Variants in PACS1 observed in about 807,000 individuals in gnomAD.
The protein encoded by PACS1 is PACS-1.
PACS1 carries 24 observed loss-of-function variants against 115.0 expected under a neutral mutation model. The ratio of observed to expected loss-of-function variants is 0.21; its 90% CI spans 0.15 to 0.29. PACS1 has a LOEUF of 0.29. Among genes scored for constraint, PACS1 ranks in the 10% least tolerant of loss-of-function variants. The pLI, the probability that PACS1 is intolerant of heterozygous loss-of-function variation, is 1.00. For synonymous variants in PACS1, 453 were observed against 504.5 expected, an observed-to-expected ratio of 0.90 and a Z score of 1.37; for missense variants, 838 against 1,251.2, an observed-to-expected ratio of 0.67 and a Z score of 4.98.
At chr11:66,174,637 G>T (rs1054078799) in intron 1 of PACS1, among the ~76,000 whole-genome samples, 3 of 152,166 alleles carry the variant, frequency 2.0e-5, no homozygotes, top group Non-Finnish European at 4.4e-5. Context: ...AAAGAAGCCA[G>T]ACATGTTGTA....
At chr11:66,133,326 A>G (rs1374659482) in intron 1 of PACS1, among the ~76,000 whole-genome samples, 1 of 152,230 alleles carries the variant, frequency 6.6e-6, no homozygotes, top group Non-Finnish European at 1.5e-5. Flanking sequence ...AGGTCTGGCT[A>G]GCCATATGCT....
intron 4 of PACS1, among the ~76,000 whole-genome samples, chr11:66,213,025 A>G (rs908056565): frequency 6.6e-6 from 1 of 151,690 alleles, no homozygotes; most frequent in Non-Finnish European, 1.5e-5. Context: ...AATTTTTTTT[A>G]TATTTTTAGT....
At chr11:66,229,950 T>A (rs1590836220) in intron 11 of PACS1, among the ~76,000 whole-genome samples, 2 of 139,218 alleles carry the variant, frequency 1.4e-5, no homozygotes, top group Admixed American at 7.1e-5. Flanking sequence ...AGAGCGAAAG[T>A]CCATCCCAAA....
At chr11:66,079,698 C>T (rs1208522977) in intron 1 of PACS1, among the ~76,000 whole-genome samples, 3 of 152,182 alleles carry the variant, frequency 2.0e-5, no homozygotes, top group African/African-American at 7.2e-5. Context: ...GTGCCGCAAG[C>T]AAAATCCTTG....
At chr11:66,095,873 G>A (rs535178209) in intron 1 of PACS1, among the ~76,000 whole-genome samples, 52 of 152,008 alleles carry the variant, frequency 3.4e-4, no homozygotes, top group African/African-American at 1.1e-3. Context: ...TCCAGCTGTC[G>A]AAAACTGTTT....
intron 1 of PACS1, among the ~76,000 whole-genome samples, chr11:66,106,837 C>G (rs1379508706): frequency 6.6e-6 from 1 of 152,030 alleles, no homozygotes; most frequent in Non-Finnish European, 1.5e-5. Context: ...TATACCTTTC[C>G]GAAGGTTGTG....
At position 66,070,329 on chromosome 11, in the gene PACS1, C is replaced by T; in HGVS notation, c.-158C>T. ...GCGGCGGTCGAGCGCGAGGCCCGCGCGCCCAGAGGCCCCGCGCGTGCGTGC... is the reference window on the plus strand; with the variant it reads ...GCGGCGGTCGAGCGCGAGGCCCGCGTGCCCAGAGGCCCCGCGCGTGCGTGC... On this transcript the variant is annotated 5_prime_UTR_variant, in exon 1 of 24. Transcript: ENST00000320580. This position sits in a 1 kb window ranked among gnomAD's most constrained non-coding sequence, Gnocchi z 5.9. The T allele has an allele frequency of 4.0e-6, 1 of 252,656 alleles. No individual in the cohort carries two copies. The highest frequency in any genetic ancestry group is 6.9e-6 in the Non-Finnish European group (1 of 144,116). The allele number at this position is 252,656 out of a possible 1,614,324, so 15.7% of individuals were successfully genotyped here. A position where few individuals can be genotyped will look rare whatever the true frequency, so the allele number is the denominator to read the frequency against.
chr11:66,082,025 TTTATTTTTCCA>T (rs1857489021), intron 1 of PACS1, among the ~76,000 whole-genome samples: 1 of 152,224 alleles, frequency 6.6e-6, no homozygotes, highest in South Asian at 2.1e-4. Context: ...GCATCAGGAC[TTTATTTTTCCA>T]TTTTGGTTGG....
At chr11:66,206,874 A>G (rs912866929) in intron 2 of PACS1, among the ~76,000 whole-genome samples, 2 of 152,234 alleles carry the variant, frequency 1.3e-5, no homozygotes, top group African/African-American at 4.8e-5. Flanking sequence ...CTGTGAATAT[A>G]TGCTCTGAGC....
intron 1 of PACS1, among the ~76,000 whole-genome samples, chr11:66,103,450 G>A (rs1423743940): frequency 6.6e-6 from 1 of 151,914 alleles, no homozygotes; most frequent in Non-Finnish European, 1.5e-5. Flanking sequence ...GGAGAAAAGG[G>A]CATTAGTCCC....
chr11:66,070,404 GC>G lies in PACS1; in HGVS notation c.-78del. 2 of 841,684 alleles carry G rather than the reference GC, an allele frequency of 2.4e-6. No individual in the cohort carries two copies. Among genetic ancestry groups the G allele is most frequent in the Non-Finnish European group, 3.1e-6 (2 of 645,474 alleles). 52.1% of individuals were successfully genotyped at this position (841,684 alleles called of 1,614,324 possible). On this transcript the variant is annotated 5_prime_UTR_variant, in exon 1 of 24. Transcript: ENST00000320580. The surrounding 1 kb of genome is among the most constrained non-coding windows in gnomAD (Gnocchi z 5.9). ...GCAGGCGGGCTGAGGAGGCTGCCGC[GC>G]CCCCGCCGCCGCCGCCGCGGGGGAA...
At chr11:66,098,756 C>T (rs1237595067) in intron 1 of PACS1, among the ~76,000 whole-genome samples, 5 of 152,194 alleles carry the variant, frequency 3.3e-5, no homozygotes, top group Non-Finnish European at 7.3e-5. Context: ...CCTTTGTCAT[C>T]CCGGTTGTTC....
chr11:66,222,694 A>G (rs551232297), intron 10 of PACS1, among the ~76,000 whole-genome samples: 2 of 152,270 alleles, frequency 1.3e-5, no homozygotes, highest in South Asian at 2.1e-4. Flanking sequence ...GGGAATACCA[A>G]ACTCGCCCTG....
chr11:66,108,379 C>T (rs1858102002), intron 1 of PACS1, among the ~76,000 whole-genome samples: 1 of 152,090 alleles, frequency 6.6e-6, no homozygotes, highest in South Asian at 2.1e-4. Flanking sequence ...ATATTACATC[C>T]TTAGGGCACT....
chr11:66,215,277 C>T (rs1164514174), intron 4 of PACS1, among the ~76,000 whole-genome samples: 2 of 151,804 alleles, frequency 1.3e-5, no homozygotes, highest in African/African-American at 4.8e-5. Flanking sequence ...AAGCACATGG[C>T]CCTGACCAGC....
Position 66,210,407 on chromosome 11 carries a change from A to G in PACS1, c.490A>G (p.Ser164Gly), listed in dbSNP as rs1457457485. 1.4e-5 allele frequency: 22 copies of G among 1,613,958 alleles called. No homozygotes were observed. Among genetic ancestry groups the G allele is most frequent in the Non-Finnish European group, 1.9e-5 (22 of 1,179,830 alleles). Residue 164 changes from serine (S) to glycine (G), a missense_variant, in exon 3 of 24, where the codon AGT (serine) becomes GGT (glycine). This residue lies in a region of PACS1 where 223 missense variants were observed against 354.0 expected (regional missense o/e 0.63). Transcript: ENST00000320580. Reference protein sequence around the residue: ...LRSNEIVLPASGLVETELQLT... With the variant: ...LRSNEIVLPAGGLVETELQLT... ...CTCCAACGAGATCGTCCTTCCAGCT[A>G]GTGGACTGGTGGAAACAGAGCTCCA...
At chr11:66,231,001 G>A (rs1221262215) in intron 13 of PACS1, 61 bp downstream of exon 13, 1 of 1,596,846 alleles carries the variant, frequency 6.3e-7, no homozygotes, top group African/African-American at 1.3e-5. Flanking sequence ...TTCAGGCTCT[G>A]TTTTGTTGGC....
intron 1 of PACS1, among the ~76,000 whole-genome samples, chr11:66,181,335 C>T (rs1382818183): frequency 2.0e-5 from 3 of 151,914 alleles, no homozygotes; most frequent in Non-Finnish European, 1.5e-5. Flanking sequence ...GCCTCAGTCT[C>T]CTGAGTAGCT....
At chr11:66,083,111 T>C (rs372623563) in intron 1 of PACS1, among the ~76,000 whole-genome samples, 3 of 152,304 alleles carry the variant, frequency 2.0e-5, no homozygotes, top group East Asian at 3.9e-4. Context: ...AGTTAAAATA[T>C]GTAGAAAGTA....
Sources: gnomAD v4.1 joint callset for allele counts (sites outside exome capture counted in the v4.1 genomes callset) on GRCh38, gnomAD v4.1.1 for gene constraint, gnomAD v4.1.1 regional missense constraint, Gnocchi (gnomAD v3.1) non-coding constraint, MANE v1.5 for transcripts, NCBI Gene and HGNC (gene_info 2026-07-23, HGNC 2026-07-21) for gene names.